Variants in CRACD observed in about 807,000 individuals in gnomAD.
CRACD encodes the protein capping protein-inhibiting regulator of actin dynamics.
Under a neutral mutation model 106.8 loss-of-function variants are expected in CRACD, and 56 were observed. The observed-to-expected ratio is 0.52, with a 90% CI of 0.42 to 0.66. The LOEUF (loss-of-function observed/expected upper bound fraction) is 0.66. Among genes scored for constraint, CRACD ranks in the 30% least tolerant of loss-of-function variants. The pLI is 0.00. For missense variants in CRACD, 1,730 were observed against 1,623.2 expected (o/e 1.07, Z -1.13); for synonymous variants, 754 against 670.8 (o/e 1.12, Z -1.92).
At chr4:56,225,509 G>A (rs562886885) in intron 2 of CRACD, among the ~76,000 whole-genome samples, 17 of 151,988 alleles carry the variant, frequency 1.1e-4, no homozygotes, top group Non-Finnish European at 2.2e-4. Context: ...CCCTGAACCC[G>A]TTTCTTCTTA....
intron 1 of CRACD, among the ~76,000 whole-genome samples, chr4:56,066,150 G>A (rs1732459793): frequency 6.6e-6 from 1 of 152,314 alleles, no homozygotes; most frequent in African/African-American, 2.4e-5. Flanking sequence ...GCTTCAGTCA[G>A]CTAGTTCTGA....
intron 2 of CRACD, among the ~76,000 whole-genome samples, chr4:56,184,063 T>G (rs546951057): frequency 3.9e-5 from 6 of 152,264 alleles, no homozygotes; most frequent in Non-Finnish European, 8.8e-5. Flanking sequence ...TGCTCTCTGT[T>G]AACATTTCTT....
intron 1 of CRACD, among the ~76,000 whole-genome samples, chr4:56,111,357 G>A (rs947639366): frequency 8.7e-6 from 1 of 114,410 alleles, no homozygotes; most frequent in Non-Finnish European, 1.7e-5. Context: ...CCTCTGGGAA[G>A]TAGGAAAAAG....
At chr4:56,068,900 C>T (rs1255399157) in intron 1 of CRACD, among the ~76,000 whole-genome samples, 6 of 151,940 alleles carry the variant, frequency 3.9e-5, no homozygotes, top group African/African-American at 7.3e-5. Context: ...GAGGTAAGGT[C>T]TTTGCAGATG....
rs750448637 is a variant in CRACD, at chr4:56,315,675, T to C, written c.2173T>C (p.Trp725Arg). The C allele has an allele frequency of 6.2e-7, 1 of 1,614,202 alleles. No individual in the cohort carries two copies. The change falls in exon 8 of 11, where the codon TGG becomes CGG. Residue 725 changes from tryptophan (W) to arginine (R), a missense_variant. Trp to Arg is a moderately radical substitution (Grantham distance 101). Transcript: ENST00000682029. This position sits in a 1 kb window ranked among gnomAD's most constrained non-coding sequence, Gnocchi z 4.1. ...VNAKFSIMPAWQKFSDGGTET... is the reference protein window; with the variant it reads ...VNAKFSIMPARQKFSDGGTET... Reference sequence around the variant, plus strand: ...TGCAAAGTTCTCTATTATGCCTGCCTGGCAGAAATTTTCCGATGGTGGCAC... The same window carrying C: ...TGCAAAGTTCTCTATTATGCCTGCCCGGCAGAAATTTTCCGATGGTGGCAC...
Position 56,156,983 on chromosome 4 carries a change from GA to G in CRACD, c.-335-22298del, listed in dbSNP as rs1251697691. On this transcript the variant is annotated intron_variant, in intron 1 of 10. Coordinates refer to ENST00000682029, the MANE Select transcript of CRACD (RefSeq NM_001393381.1). ...AACTCAGTGCCAAGAGCAGTGCCTG[GA>G]AATAATGGGCACTTAATAAACATTT... Among the ~76,000 whole-genome samples the G allele has an allele frequency of 3.3e-5, 5 of 152,184 alleles. 1 individual carries two copies. Among genetic ancestry groups the G allele is most frequent in the African/African-American group, 1.2e-4 (5 of 41,516 alleles).
chr4:56,316,160 G>C lies in CRACD; in HGVS notation c.2658G>C (p.Ala886=). 6.2e-7 allele frequency: 1 copy of C among 1,614,132 alleles called. No individual in the cohort carries two copies. The highest frequency in any genetic ancestry group is 8.5e-7 in the Non-Finnish European group (1 of 1,180,006). ...GCGCGGATGCAGGGCCGCCTGCAGC[G>C]GGGAGCGCTCGTGGAGAGAAAGAGA... ...GDSADAGPPA[A]GSARGEKEME... is the part of the protein sequence containing the mutation. The change falls in exon 8 of 11, where the codon GCG becomes GCC. Residue 886 remains alanine (A), a synonymous_variant. Transcript: ENST00000682029.
At chr4:56,324,681 T>A (rs547623886) in intron 10 of CRACD, among the ~76,000 whole-genome samples, 13 of 152,350 alleles carry the variant, frequency 8.5e-5, no homozygotes, top group African/African-American at 3.1e-4. Context: ...AAAGTTGGGT[T>A]TATTAACTTA....
intron 1 of CRACD, among the ~76,000 whole-genome samples, chr4:56,115,067 T>TC (rs1360568606): frequency 4.9e-4 from 74 of 152,294 alleles, no homozygotes; most frequent in African/African-American, 1.6e-3. Context: ...TGACTTATAG[T>TC]AATTCCAATG....
intron 1 of CRACD, among the ~76,000 whole-genome samples, chr4:56,123,260 C>T (rs193031103): frequency 1.9e-4 from 29 of 152,234 alleles, no homozygotes; most frequent in Admixed American, 9.8e-4. Flanking sequence ...AACAAAGTAC[C>T]ATAGTCTGGG....
At chr4:56,109,298 G>A (rs1418210495) in intron 1 of CRACD, among the ~76,000 whole-genome samples, 1 of 152,174 alleles carries the variant, frequency 6.6e-6, no homozygotes, top group African/African-American at 2.4e-5. Context: ...GTTGATAATT[G>A]TCCATGATCA....
At chr4:56,187,521 A>G (rs528962912) in intron 2 of CRACD, among the ~76,000 whole-genome samples, 3 of 152,276 alleles carry the variant, frequency 2.0e-5, no homozygotes, top group Non-Finnish European at 4.4e-5. Context: ...TAGACTGTAC[A>G]GGCTTCTCTT....
At chr4:56,323,652 G>A in intron 9 of CRACD, 85 bp downstream of exon 9, 1 of 1,313,276 alleles carries the variant, frequency 7.6e-7, no homozygotes, top group Non-Finnish European at 1.0e-6. Context: ...CAAAAGGCTA[G>A]CTGGGCTGGT....
chr4:56,252,065 C>T (rs940205462), intron 2 of CRACD, among the ~76,000 whole-genome samples: 2 of 152,294 alleles, frequency 1.3e-5, no homozygotes, highest in Admixed American at 6.5e-5. Context: ...ATCTTCTTTT[C>T]TATTATACTT....
At chr4:56,271,282 G>A (rs182192758) in intron 2 of CRACD, among the ~76,000 whole-genome samples, 26 of 152,168 alleles carry the variant, frequency 1.7e-4, no homozygotes, top group African/African-American at 6.3e-4. Flanking sequence ...GTATCCAAAG[G>A]CGGAGGACTG....
At chr4:56,107,288 G>A (rs180718180) in intron 1 of CRACD, among the ~76,000 whole-genome samples, 1 of 152,142 alleles carries the variant, frequency 6.6e-6, no homozygotes. Flanking sequence ...AGCCTGGATT[G>A]GCCATTTTCT....
At chr4:56,281,456 C>T (rs770344110) in intron 3 of CRACD, among the ~76,000 whole-genome samples, 2 of 152,082 alleles carry the variant, frequency 1.3e-5, no homozygotes, top group Non-Finnish European at 2.9e-5. Context: ...GTGGTAAATG[C>T]AGCAGAACAG....
At chr4:56,069,320 T>C (rs1209793503) in intron 1 of CRACD, among the ~76,000 whole-genome samples, 1 of 152,214 alleles carries the variant, frequency 6.6e-6, no homozygotes, top group Non-Finnish European at 1.5e-5. Context: ...AGCTTGGATT[T>C]CATGGAAAAG....
chr4:56,197,917 TC>T (rs1404222989), intron 2 of CRACD, among the ~76,000 whole-genome samples: 1 of 152,140 alleles, frequency 6.6e-6, no homozygotes, highest in African/African-American at 2.4e-5. Flanking sequence ...GACCTTCTGA[TC>T]CGCCCGCCTC....
Sources: gnomAD v4.1 joint callset for allele counts (sites outside exome capture counted in the v4.1 genomes callset) on GRCh38, gnomAD v4.1.1 for gene constraint, Gnocchi (gnomAD v3.1) non-coding constraint, MANE v1.5 for transcripts, NCBI Gene and HGNC (gene_info 2026-07-23, HGNC 2026-07-21) for gene names.